TCF12: variants seen among roughly 807,000 people sequenced by gnomAD.
TCF12 encodes the protein DNA-binding protein HTF4.
TCF12 carries 45 observed loss-of-function variants against 86.0 expected under a neutral mutation model. The observed-to-expected ratio is 0.52, with a 90% CI of 0.41 to 0.67. The LOEUF is 0.67. TCF12 is among the 30% of genes least tolerant of loss of function. TCF12 has a pLI of 0.00. For missense variants in TCF12, 881 were observed against 859.9 expected (o/e 1.02, Z -0.31); for synonymous variants, 330 against 299.6 (o/e 1.10, Z -1.05).
chr15:57,234,752 G>A (rs953058311), intron 12 of TCF12, among the ~76,000 whole-genome samples: 1 of 152,142 alleles, frequency 6.6e-6, no homozygotes, highest in African/African-American at 2.4e-5. Flanking sequence ...AAACTAGAAG[G>A]GAGAGCAGTT....
chr15:57,144,713 C>G (rs369356711), intron 5 of TCF12, among the ~76,000 whole-genome samples: 6 of 152,186 alleles, frequency 3.9e-5, no homozygotes, highest in African/African-American at 1.4e-4. Context: ...ATCCTCCCAC[C>G]TCAGTCTCCC....
intron 5 of TCF12, among the ~76,000 whole-genome samples, chr15:57,145,079 T>C (rs1040429610): frequency 5.9e-5 from 9 of 152,098 alleles, no homozygotes; most frequent in African/African-American, 2.2e-4. Context: ...CAAAAGAAAA[T>C]AAGAACATCC....
chr15:57,141,260 A>T (rs2052941667), intron 5 of TCF12, among the ~76,000 whole-genome samples: 1 of 152,218 alleles, frequency 6.6e-6, no homozygotes, highest in African/African-American at 2.4e-5. Context: ...CCAGATATTG[A>T]TGCAGTTTCT....
intron 3 of TCF12, among the ~76,000 whole-genome samples, chr15:56,948,824 A>G (rs1318881931): frequency 6.6e-6 from 1 of 152,238 alleles, no homozygotes; most frequent in African/African-American, 2.4e-5. Context: ...CTGTATCACT[A>G]GAGGGAAGAA....
At chr15:57,278,561 C>T in intron 19 of TCF12, 1 of 195,834 alleles carries the variant, frequency 5.1e-6, no homozygotes. Flanking sequence ...TTTTTCTTTT[C>T]CAAGTTGAGG....
At chr15:56,933,031 G>T (rs2060314680) in intron 3 of TCF12, among the ~76,000 whole-genome samples, 1 of 152,128 alleles carries the variant, frequency 6.6e-6, no homozygotes, top group South Asian at 2.1e-4. Context: ...GACTTTGTGA[G>T]TTGGGAAGAA....
At chr15:57,275,193 A>T (rs963871239) in intron 19 of TCF12, among the ~76,000 whole-genome samples, 2 of 152,194 alleles carry the variant, frequency 1.3e-5, no homozygotes, top group Non-Finnish European at 2.9e-5. Flanking sequence ...ACAGATTTCA[A>T]ATACACTGAA....
chr15:57,254,874 A>AAAAAAAAAAAAAAAG (rs1555410242), intron 16 of TCF12, among the ~76,000 whole-genome samples: 1 of 108,834 alleles, frequency 9.2e-6, no homozygotes, highest in African/African-American at 2.9e-5. Flanking sequence ...AAAAAAAAAA[A>AAAAAAAAAAAAAAAG]AAAGAAAGAA....
intron 3 of TCF12, among the ~76,000 whole-genome samples, chr15:56,989,918 C>T (rs1170529161): frequency 6.6e-6 from 1 of 152,092 alleles, no homozygotes; most frequent in African/African-American, 2.4e-5. Flanking sequence ...CTTGACCTGG[C>T]TGTTTTTCTA....
Position 57,104,861 on chromosome 15 carries a change from G to GTTTTTTTT in TCF12, c.325+12987_325+12994dup, listed in dbSNP as rs11336613. Among the ~76,000 whole-genome samples, 165 of 71,494 alleles carry GTTTTTTTT rather than the reference G, an allele frequency of 2.3e-3. 5 individuals are homozygous for GTTTTTTTT. Among genetic ancestry groups the GTTTTTTTT allele is most frequent in the Admixed American group, 4.0e-3 (19 of 4,752 alleles). 46.9% of individuals were successfully genotyped at this position (71,494 alleles called of 152,430 possible). A position where few individuals can be genotyped will look rare whatever the true frequency, so the allele number is the denominator to read the frequency against. On this transcript the variant is annotated intron_variant, in intron 5 of 20. Transcript: ENST00000333725. ...ATCTATCTTGCTGGTCTTTGGTGGT[G>GTTTTTTTT]TTTTTTTTTTTTTTTTTTTTTTTTG...
intron 6 of TCF12, among the ~76,000 whole-genome samples, chr15:57,172,763 C>G (rs762713281): frequency 4.6e-5 from 7 of 152,022 alleles, no homozygotes; most frequent in Non-Finnish European, 1.0e-4. Flanking sequence ...GAACATGTGC[C>G]TCTGAATCTA....
intron 8 of TCF12, among the ~76,000 whole-genome samples, chr15:57,203,624 G>A (rs926353472): frequency 2.6e-5 from 4 of 152,128 alleles, no homozygotes; most frequent in East Asian, 1.9e-4. Flanking sequence ...TTGCAGTCCC[G>A]TACGTAGCCT....
chr15:57,073,677 A>G (rs1279659014), intron 4 of TCF12, among the ~76,000 whole-genome samples: 1 of 152,222 alleles, frequency 6.6e-6, no homozygotes, highest in Non-Finnish European at 1.5e-5. Flanking sequence ...GCCAAATTAT[A>G]AAAGAGACCC....
intron 18 of TCF12, among the ~76,000 whole-genome samples, chr15:57,272,826 G>A (rs1361491826): frequency 2.0e-5 from 3 of 152,204 alleles, no homozygotes; most frequent in South Asian, 4.1e-4. Flanking sequence ...AGTGTATGTA[G>A]TATATTTCAA....
intron 5 of TCF12, among the ~76,000 whole-genome samples, chr15:57,161,763 G>A (rs2054519653): frequency 6.6e-6 from 1 of 152,112 alleles, no homozygotes; most frequent in Non-Finnish European, 1.5e-5. Flanking sequence ...AGTACCTACA[G>A]TTTTTGTCAC....
chr15:57,248,172 C>A (rs555385771), intron 13 of TCF12: 1 of 694,504 alleles, frequency 1.4e-6, no homozygotes, highest in Non-Finnish European at 2.6e-6. Context: ...TTTCCCCTTA[C>A]GTCTTATTGG....
intron 6 of TCF12, among the ~76,000 whole-genome samples, chr15:57,181,190 C>T (rs2056326988): frequency 6.6e-6 from 1 of 151,978 alleles, no homozygotes; most frequent in Non-Finnish European, 1.5e-5. Flanking sequence ...GCGTTTAAGC[C>T]AAGCCACTTA....
chr15:57,147,576 CAG>C (rs752624615), intron 5 of TCF12, among the ~76,000 whole-genome samples: 20 of 151,740 alleles, frequency 1.3e-4, no homozygotes, highest in African/African-American at 3.9e-4. Flanking sequence ...GGAAAAAAAA[CAG>C]AAAGTATAAA....
intron 3 of TCF12, among the ~76,000 whole-genome samples, chr15:56,924,413 G>A (rs1471935377): frequency 6.6e-6 from 1 of 152,156 alleles, no homozygotes; most frequent in East Asian, 1.9e-4. Flanking sequence ...TCAAATTGCT[G>A]TAGCATTACT....
Sources: gnomAD v4.1 joint callset for allele counts (sites outside exome capture counted in the v4.1 genomes callset) on GRCh38, gnomAD v4.1.1 for gene constraint, MANE v1.5 for transcripts, NCBI Gene and HGNC (gene_info 2026-07-23, HGNC 2026-07-21) for gene names.